Variants in ZNF438 observed in about 807,000 individuals in gnomAD.
The protein encoded by ZNF438 is zinc finger protein 438.
In ZNF438, 25 loss-of-function variants were observed where a neutral mutation model predicts 38.0. The observed-to-expected ratio is 0.66, with a 90% CI of 0.48 to 0.92. The LOEUF is 0.92. Among genes scored for constraint, ZNF438 ranks in the 40% least tolerant of loss-of-function variants. The probability of loss-of-function intolerance (pLI) is 0.00; values close to 1 mark genes in which losing one functional copy is unlikely to be tolerated. For missense variants in ZNF438, 1,007 were observed against 999.6 expected, an observed-to-expected ratio of 1.01 and a Z score of -0.10; for synonymous variants, 372 against 364.1, an observed-to-expected ratio of 1.02 and a Z score of -0.25.
intron 1 of ZNF438, among the ~76,000 whole-genome samples, chr10:30,947,505 G>A (rs1174205023): frequency 2.0e-5 from 3 of 152,264 alleles, no homozygotes; most frequent in African/African-American, 7.2e-5. Flanking sequence ...CCCCAGAGGT[G>A]GAGCCTACAG....
At chr10:30,900,877 T>C (rs2041895117) in intron 3 of ZNF438, among the ~76,000 whole-genome samples, 1 of 152,220 alleles carries the variant, frequency 6.6e-6, no homozygotes, top group Non-Finnish European at 1.5e-5. Context: ...AGCATCAGTA[T>C]TCTCAGTGAA....
chr10:30,904,378 G>A (rs548205831), intron 3 of ZNF438, among the ~76,000 whole-genome samples: 35 of 152,266 alleles, frequency 2.3e-4, no homozygotes, highest in African/African-American at 8.4e-4. Context: ...CCACCAAATA[G>A]TATCAATTTT....
intron 4 of ZNF438, among the ~76,000 whole-genome samples, chr10:30,864,098 A>G (rs558127100): frequency 6.6e-6 from 1 of 152,254 alleles, no homozygotes; most frequent in South Asian, 2.1e-4. Context: ...TGGAAAAAAG[A>G]GAGGCTATTA....
intron 2 of ZNF438, among the ~76,000 whole-genome samples, chr10:30,923,950 A>G (rs1382966500): frequency 2.0e-5 from 3 of 152,224 alleles, no homozygotes; most frequent in East Asian, 1.9e-4. Context: ...TGCAACATTA[A>G]ATCTTCTAAT....
chr10:31,023,182 C>G (rs886287732), intron 1 of ZNF438, among the ~76,000 whole-genome samples: 2 of 152,140 alleles, frequency 1.3e-5, no homozygotes, highest in Non-Finnish European at 2.9e-5. Context: ...TAATGTTGAT[C>G]AGAATACTTT....
chr10:31,000,275 C>A (rs1236902996), intron 1 of ZNF438, among the ~76,000 whole-genome samples: 1 of 152,196 alleles, frequency 6.6e-6, no homozygotes, highest in Non-Finnish European at 1.5e-5. Flanking sequence ...GAGTCTCACA[C>A]CCACGTTATC....
At chr10:30,898,164 G>A (rs2134181906) in intron 3 of ZNF438, among the ~76,000 whole-genome samples, 1 of 152,148 alleles carries the variant, frequency 6.6e-6, no homozygotes, top group South Asian at 2.1e-4. Flanking sequence ...GGTAGCCTCT[G>A]GAAAAGGAAG....
rs576478625 is a variant in ZNF438, at chr10:30,847,259, T to C, written c.1874+1272A>G. ...TTCTGGGTCTGTCCATGACTGCCCA[T>C]GGACCAACTGCACGCATTTCCTCTC... On this transcript the variant is annotated intron_variant, in intron 5 of 5. Coordinates refer to ENST00000413025, the Ensembl canonical transcript of ZNF438. Among the ~76,000 whole-genome samples the C allele has an allele frequency of 2.6e-5, 4 of 152,282 alleles. No individual in the cohort carries two copies. The East Asian group carries it at 5.8e-4, about 22-fold the overall frequency.
chr10:30,958,597 G>A (rs1216720007), intron 1 of ZNF438, among the ~76,000 whole-genome samples: 1 of 146,638 alleles, frequency 6.8e-6, no homozygotes, highest in Non-Finnish European at 1.5e-5. Context: ...ATTGAACAGG[G>A]GACAGTTCAA....
At chr10:31,024,805 G>A (rs1346332362) in intron 1 of ZNF438, among the ~76,000 whole-genome samples, 1 of 152,122 alleles carries the variant, frequency 6.6e-6, no homozygotes, top group Non-Finnish European at 1.5e-5. Flanking sequence ...GAAAATTAAT[G>A]TGAAAAGGAT....
At chr10:30,956,009 T>C (rs2048824918) in intron 1 of ZNF438, among the ~76,000 whole-genome samples, 1 of 152,114 alleles carries the variant, frequency 6.6e-6, no homozygotes, top group Non-Finnish European at 1.5e-5. Flanking sequence ...TCAAACACAA[T>C]ATACTCCAAC....
intron 2 of ZNF438, among the ~76,000 whole-genome samples, chr10:30,917,009 TAA>T (rs201756712): frequency 0.01 from 1,541 of 152,234 alleles, 22 homozygotes; most frequent in African/African-American, 0.035. Context: ...AAAATTTATA[TAA>T]AATGAAATGC....
intron 2 of ZNF438, among the ~76,000 whole-genome samples, chr10:30,918,856 G>C (rs1388238206): frequency 2.0e-5 from 3 of 152,158 alleles, no homozygotes; most frequent in Non-Finnish European, 4.4e-5. Context: ...GTCTGCAGTT[G>C]CATCGATCTT....
chr10:31,021,086 T>G (rs2056561064), intron 1 of ZNF438, among the ~76,000 whole-genome samples: 1 of 146,692 alleles, frequency 6.8e-6, no homozygotes, highest in Non-Finnish European at 1.5e-5. Context: ...AGACAGGCTC[T>G]CACTCTGTCA....
At chr10:30,880,324 G>A (rs914249441) in intron 3 of ZNF438, among the ~76,000 whole-genome samples, 8 of 151,592 alleles carry the variant, frequency 5.3e-5, no homozygotes, top group Admixed American at 1.3e-4. Flanking sequence ...CCAGGTACTC[G>A]GGAGGCTGAG....
chr10:30,850,499 T>G (rs886919255), intron 4 of ZNF438, 132 bp from the exon 6 acceptor site: 36 of 1,000,084 alleles, frequency 3.6e-5, no homozygotes, highest in Non-Finnish European at 4.7e-5. Context: ...CTGGGCAAAA[T>G]CTTGTGTCCC....
At chr10:30,850,192 C>T (rs944811446) in exon 5 of ZNF438, 3 of 1,613,974 alleles carry the variant, frequency 1.9e-6, no homozygotes, top group Admixed American at 3.3e-5. Context: ...TCCCCAGCAG[C>T]TTGGAGTTGA....
At chr10:30,850,552 G>A (rs1334333751) in intron 4 of ZNF438, among the ~76,000 whole-genome samples, 185 bp from the exon 6 acceptor site, 5 of 151,988 alleles carry the variant, frequency 3.3e-5, no homozygotes. Flanking sequence ...CCTTCCCCAA[G>A]GATTTCTATA....
At chr10:30,860,717 T>C (rs2035436279) in intron 4 of ZNF438, among the ~76,000 whole-genome samples, 1 of 152,218 alleles carries the variant, frequency 6.6e-6, no homozygotes. Flanking sequence ...GGATTAACAA[T>C]TCAATGCGAA....
Sources: gnomAD v4.1 joint callset for allele counts (sites outside exome capture counted in the v4.1 genomes callset) on GRCh38, gnomAD v4.1.1 for gene constraint, MANE v1.5 for transcripts, NCBI Gene and HGNC (gene_info 2026-07-23, HGNC 2026-07-21) for gene names.